The following DEGS2 variants were observed in gnomAD, a reference collection of about 807,000 sequenced individuals.
The protein encoded by DEGS2 is sphingolipid delta(4)-desaturase/C4-monooxygenase DES2.
Under a neutral mutation model 23.8 loss-of-function variants are expected in DEGS2, and 19 were observed. The ratio of observed to expected loss-of-function variants is 0.80; its 90% confidence interval spans 0.56 to 1.17. The LOEUF is 1.17. Ranked by LOEUF, DEGS2 falls within the 50% of genes most tolerant of loss-of-function variation. The pLI is 0.00. For synonymous variants in DEGS2, 218 were observed against 213.7 expected (o/e 1.02, Z -0.18); for missense variants, 390 against 459.5 (o/e 0.85, Z 1.38).
the DEGS2 span, among the ~76,000 whole-genome samples, chr14:100,164,868 C>G: frequency 5.3e-5 from 8 of 152,298 alleles, no homozygotes; most frequent in South Asian, 1.5e-3. Context: ...GAGAATAGTC[C>G]TGGCAGCTTT....
intron 1 of DEGS2, among the ~76,000 whole-genome samples, chr14:100,157,859 G>T (rs1334068575): frequency 6.6e-6 from 1 of 152,126 alleles, no homozygotes; most frequent in Non-Finnish European, 1.5e-5. Flanking sequence ...AGGCAGAGGC[G>T]GGTGAATCAC....
chr14:100,165,964 GGGGGGAGCCTGTCTGGGGGAGTA>G, the DEGS2 span, among the ~76,000 whole-genome samples: 1 of 90,470 alleles, frequency 1.1e-5, no homozygotes, highest in Non-Finnish European at 2.5e-5. Flanking sequence ...CTGGGAGAGT[GGGGGGAGCCTGTCTGGGGGAGTA>G]GGGGGAGCCT....
At chr14:100,149,851 GCCCTGT>G in intron 1 of DEGS2, 141 bp from the exon 2 acceptor site, 1 of 898,434 alleles carries the variant, frequency 1.1e-6, no homozygotes, top group Non-Finnish European at 1.7e-6. Context: ...CTGCACACAG[GCCCTGT>G]CCCTCGAGGG....
rs1889528576 is a variant in DEGS2, at chr14:100,149,598, G to A, written c.195C>T (p.Ala65=). 1 of 1,610,294 alleles carries A rather than the reference G, an allele frequency of 6.2e-7. No individual in the cohort carries two copies. Among genetic ancestry groups the A allele is most frequent in the East Asian group, 2.2e-5 (1 of 44,844 alleles). ...AGGCCCAGAACAGCAGCCAGCGCCAGGCCAGCCCGCGCACCAGCCAGCAGG... is the reference window on the plus strand; with the variant it reads ...AGGCCCAGAACAGCAGCCAGCGCCAAGCCAGCCCGCGCACCAGCCAGCAGG... ...MLACWLVRGL[A]WRWLLFWAYA... The change falls in exon 2 of 3, where the codon GCC becomes GCT. Residue 65 remains alanine, a synonymous_variant. Transcript: ENST00000305631.
In DEGS2 at chr14:100,149,108, A is replaced by C. The variant is rs1295595091; in HGVS notation, c.685T>G (p.Phe229Val). The C allele has an allele frequency of 1.2e-6, 2 of 1,612,972 alleles. No homozygotes were observed. The highest frequency in any genetic ancestry group is 1.7e-6 in the Non-Finnish European group (2 of 1,179,990). The change falls in exon 2 of 3, where the codon TTC becomes GTC. Residue 229 changes from phenylalanine (F) to valine (V), a missense_variant. Transcript: ENST00000305631. Reference sequence around the variant, plus strand: ...AGGAACATGTAGTGCTCGGCCACGAAGTGGCCCGAGATGGGGTGCAGGCCC... The same window carrying C: ...AGGAACATGTAGTGCTCGGCCACGACGTGGCCCGAGATGGGGTGCAGGCCC... ...GLGLHPISGHFVAEHYMFLKG... is the reference protein window; with the variant it reads ...GLGLHPISGHVVAEHYMFLKG...
At chr14:100,154,641 C>T (rs917413764) in intron 1 of DEGS2, among the ~76,000 whole-genome samples, 1 of 152,266 alleles carries the variant, frequency 6.6e-6, no homozygotes, top group African/African-American at 2.4e-5. Context: ...AGAGGCAGGG[C>T]CTGCTGAAGG....
In DEGS2 at chr14:100,149,505, G is replaced by T; in HGVS notation, c.288C>A (p.Ala96=). The change falls in exon 2 of 3, where the codon GCC becomes GCA. Residue 96 remains alanine, a synonymous_variant. Coordinates refer to ENST00000305631, the MANE Select transcript of DEGS2 (RefSeq NM_206918.3). ...LAIHDISHNA[A]FGTGRAARNR... ...TGCGTGCCGCACGGCCCGTGCCGAA[G>T]GCCGCGTTGTGCGAGATGTCGTGGA... 1.9e-6 allele frequency: 3 copies of T among 1,600,696 alleles called. No homozygotes were observed. Among genetic ancestry groups the T allele is most frequent in the Non-Finnish European group, 2.6e-6 (3 of 1,175,188 alleles).
rs1440549821 is a variant in DEGS2 at position 100,145,183 on chromosome 14, C to G, written c.*1578G>C. 6.6e-6 allele frequency: 1 copy of G among 152,394 alleles called. No individual in the cohort carries two copies. The highest frequency in any genetic ancestry group is 1.5e-5 in the Non-Finnish European group (1 of 68,174). The allele number at this position is 152,394 out of a possible 1,614,324, so 9.4% of individuals were successfully genotyped here. A position where few individuals can be genotyped will look rare whatever the true frequency, so the allele number is the denominator to read the frequency against. ...AGCCACCCTCTGACCCTGGGCCTGG[C>G]CTTCAGTTTGTGGGTGAGGCCTGGA... On this transcript the variant is annotated 3_prime_UTR_variant, in exon 3 of 3. Coordinates refer to ENST00000305631, the MANE Select transcript of DEGS2 (RefSeq NM_206918.3).
intron 1 of DEGS2, among the ~76,000 whole-genome samples, chr14:100,157,958 G>T (rs1368460603): frequency 6.6e-6 from 1 of 151,740 alleles, no homozygotes; most frequent in Non-Finnish European, 1.5e-5. Flanking sequence ...GTGGTGGCGG[G>T]TGCCTGTAAT....
In DEGS2 at chr14:100,146,416, G is replaced by T; in HGVS notation, c.*345C>A. ...CACCCCCTCAGAAGCACAATCCATG[G>T]GCTGTGAAACAAACGCCGGGTTTAA... On this transcript the variant is annotated 3_prime_UTR_variant, in exon 3 of 3. Transcript: ENST00000305631. 3.9e-6 allele frequency: 1 copy of T among 255,644 alleles called. No homozygotes were observed. Among genetic ancestry groups the T allele is most frequent in the Non-Finnish European group, 7.5e-6 (1 of 133,102 alleles). 15.8% of individuals were successfully genotyped at this position (255,644 alleles called of 1,614,324 possible).
chr14:100,165,607 T>C, the DEGS2 span, among the ~76,000 whole-genome samples: 8 of 152,184 alleles, frequency 5.3e-5, no homozygotes, highest in Admixed American at 3.9e-4. Context: ...TGCCCCCGCC[T>C]GCGCCGCCTG....
chr14:100,147,604 C>G (rs1208560996), intron 2 of DEGS2, among the ~76,000 whole-genome samples: 1 of 151,786 alleles, frequency 6.6e-6, no homozygotes, highest in Admixed American at 6.6e-5. Flanking sequence ...CGCCGCCCCA[C>G]TGCTCAACGG....
At chr14:100,147,880 C>T (rs547106623) in intron 2 of DEGS2, among the ~76,000 whole-genome samples, 11 of 152,038 alleles carry the variant, frequency 7.2e-5, no homozygotes, top group African/African-American at 2.7e-4. Context: ...CCTCTCCCCT[C>T]CGCCCCGTCA....
chr14:100,158,036 G>A (rs1889685920), intron 1 of DEGS2, among the ~76,000 whole-genome samples: 1 of 143,346 alleles, frequency 7.0e-6, no homozygotes, highest in Non-Finnish European at 1.5e-5. Context: ...GCGGTGAGTG[G>A]AGATCGCATC....
intron 2 of DEGS2, among the ~76,000 whole-genome samples, chr14:100,148,727 TG>T (rs1307273532): frequency 6.6e-6 from 1 of 152,262 alleles, no homozygotes; most frequent in Non-Finnish European, 1.5e-5. Flanking sequence ...TCAAGCAGCC[TG>T]GACTGTGAAA....
upstream of DEGS2, among the ~76,000 whole-genome samples, chr14:100,162,148 C>G (rs1889756302): frequency 6.6e-6 from 1 of 151,100 alleles, no homozygotes; most frequent in Non-Finnish European, 1.5e-5. Context: ...GAGATCGAGA[C>G]TATCCTGGCT....
rs374471976 is a variant in DEGS2 at position 100,146,924 on chromosome 14, G to C, written c.826-17C>G. Reference sequence around the variant, plus strand: ...CTTCCGCACCTGTAGAGAGGAGGGCGGGGCTCAGGGGCTGGTTCTCCTCGG... The same window carrying C: ...CTTCCGCACCTGTAGAGAGGAGGGCCGGGCTCAGGGGCTGGTTCTCCTCGG... On this transcript the variant is annotated splice_polypyrimidine_tract_variant and intron_variant, in intron 2 of 2. Coordinates refer to ENST00000305631, the MANE Select transcript of DEGS2 (RefSeq NM_206918.3). 9 of 1,605,608 alleles carry C rather than the reference G, an allele frequency of 5.6e-6. No individual in the cohort carries two copies. The African/African-American group carries it at 6.7e-5, about 12-fold the overall frequency.
chr14:100,152,832 C>T (rs1350135462), intron 1 of DEGS2, among the ~76,000 whole-genome samples: 1 of 151,862 alleles, frequency 6.6e-6, no homozygotes, highest in Non-Finnish European at 1.5e-5. Flanking sequence ...TGGGACTTTA[C>T]AGCCTCCATA....
At chr14:100,153,347 C>T (rs1280191724) in intron 1 of DEGS2, among the ~76,000 whole-genome samples, 1 of 152,208 alleles carries the variant, frequency 6.6e-6, no homozygotes, top group Non-Finnish European at 1.5e-5. Flanking sequence ...TCAGTTCTGT[C>T]TCTCTGGAGA....
Sources: gnomAD v4.1 joint callset for allele counts (sites outside exome capture counted in the v4.1 genomes callset) on GRCh38, gnomAD v4.1.1 for gene constraint, MANE v1.5 for transcripts, NCBI Gene and HGNC (gene_info 2026-07-23, HGNC 2026-07-21) for gene names.